Variants in CNTNAP2 observed in about 807,000 individuals in gnomAD.
The protein encoded by CNTNAP2 is contactin-associated protein-like 2.
A neutral mutation model predicts 155.2 loss-of-function variants in CNTNAP2; 98 were observed. The observed-to-expected ratio is 0.63, with a 90% confidence interval of 0.54 to 0.75. CNTNAP2 has a LOEUF of 0.75. Among genes scored for constraint, CNTNAP2 ranks in the 30% least tolerant of loss-of-function variants. The pLI, the probability that CNTNAP2 is intolerant of heterozygous loss-of-function variation, is 0.00. For missense variants in CNTNAP2, 1,727 were observed against 1,688.1 expected (o/e 1.02, Z -0.40); for synonymous variants, 651 against 631.2 (o/e 1.03, Z -0.47).
intron 1 of CNTNAP2, among the ~76,000 whole-genome samples, chr7:146,635,072 A>G (rs1275222510): frequency 6.6e-6 from 1 of 152,144 alleles, no homozygotes; most frequent in Admixed American, 6.5e-5. Context: ...ATTTAATCTC[A>G]CTCCACCAAG....
intron 1 of CNTNAP2, among the ~76,000 whole-genome samples, chr7:146,512,907 T>C (rs1457150275): frequency 1.3e-5 from 2 of 151,990 alleles, no homozygotes; most frequent in African/African-American, 4.8e-5. Flanking sequence ...TGTACTATTA[T>C]TTTATTGTGG....
intron 1 of CNTNAP2, among the ~76,000 whole-genome samples, chr7:146,647,231 T>C (rs1799829712): frequency 6.6e-6 from 1 of 152,158 alleles, no homozygotes; most frequent in South Asian, 2.1e-4. Flanking sequence ...GACAGCAACC[T>C]TTAGGGCTCC....
At chr7:148,261,457 C>T (rs964479582) in intron 20 of CNTNAP2, among the ~76,000 whole-genome samples, 6 of 152,220 alleles carry the variant, frequency 3.9e-5, no homozygotes, top group Non-Finnish European at 8.8e-5. Context: ...CCACGCCCAA[C>T]GCATCTGTTG....
intron 12 of CNTNAP2, among the ~76,000 whole-genome samples, chr7:147,618,115 G>T (rs572952684): frequency 1.3e-5 from 2 of 152,200 alleles, no homozygotes; most frequent in East Asian, 3.9e-4. Flanking sequence ...GAAATTTAAA[G>T]ATATAGAAAA....
intron 10 of CNTNAP2, among the ~76,000 whole-genome samples, chr7:147,438,160 T>C (rs1797582655): frequency 6.6e-6 from 1 of 152,068 alleles, no homozygotes. Context: ...TAAATAATAG[T>C]GGTGAAAATG....
chr7:146,669,489 C>T (rs2533081), intron 1 of CNTNAP2, among the ~76,000 whole-genome samples: 123,042 of 152,118 alleles, frequency 0.81, 50,373 homozygotes, highest in South Asian at 0.91. Flanking sequence ...TGTAACCAAT[C>T]TCATGCCAAA....
chr7:147,382,635 A>G (rs1322153061), intron 9 of CNTNAP2, among the ~76,000 whole-genome samples: 2 of 152,092 alleles, frequency 1.3e-5, no homozygotes, highest in Non-Finnish European at 2.9e-5. Flanking sequence ...AGACAGAGAT[A>G]TGATTAGAGA....
At chr7:148,092,397 C>T (rs750663770) in intron 15 of CNTNAP2, among the ~76,000 whole-genome samples, 3 of 152,094 alleles carry the variant, frequency 2.0e-5, no homozygotes, top group Non-Finnish European at 4.4e-5. Context: ...TCTAAAGCTT[C>T]CCTGAAAAAA....
intron 14 of CNTNAP2, among the ~76,000 whole-genome samples, chr7:147,908,123 C>G (rs1330677144): frequency 6.6e-6 from 1 of 152,142 alleles, no homozygotes; most frequent in Non-Finnish European, 1.5e-5. Flanking sequence ...TAAATGAAAA[C>G]AGAGCGTGGC....
intron 3 of CNTNAP2, among the ~76,000 whole-genome samples, chr7:146,845,911 C>T (rs927082178): frequency 6.6e-6 from 1 of 152,134 alleles, no homozygotes. Context: ...TAAGGGGACA[C>T]TGTTTAGAAA....
intron 9 of CNTNAP2, among the ~76,000 whole-genome samples, chr7:147,344,175 C>CT (rs1343962749): frequency 6.6e-6 from 1 of 152,122 alleles, no homozygotes; most frequent in Non-Finnish European, 1.5e-5. Flanking sequence ...AAAGAATGAG[C>CT]AGTTGCCAGT....
At chr7:147,819,068 C>G (rs1229645148) in intron 13 of CNTNAP2, among the ~76,000 whole-genome samples, 1 of 152,078 alleles carries the variant, frequency 6.6e-6, no homozygotes, top group Non-Finnish European at 1.5e-5. Flanking sequence ...GTAATTTAAG[C>G]TTGGGATAAA....
chr7:147,318,052 A>G (rs1023450475), intron 9 of CNTNAP2, among the ~76,000 whole-genome samples: 2 of 152,184 alleles, frequency 1.3e-5, no homozygotes, highest in East Asian at 3.8e-4. Context: ...AAAATTTTCT[A>G]CAGTAGCCAT....
intron 13 of CNTNAP2, among the ~76,000 whole-genome samples, chr7:147,723,731 G>T (rs565508888): frequency 6.6e-6 from 1 of 151,838 alleles, no homozygotes; most frequent in Non-Finnish European, 1.5e-5. Context: ...TTCAGTCTTC[G>T]CTACTCAGGA....
intron 22 of CNTNAP2, among the ~76,000 whole-genome samples, chr7:148,404,994 AC>A (rs1164401639): frequency 1.3e-5 from 2 of 151,916 alleles, no homozygotes; most frequent in Non-Finnish European, 2.9e-5. Flanking sequence ...TGGTTACAGG[AC>A]TGGGGGGCAT....
Position 147,426,823 on chromosome 7 carries a change from T to TTGGA in CNTNAP2, c.1670+31066_1670+31069dup, listed in dbSNP as rs751231663. Among the ~76,000 whole-genome samples the TTGGA allele has an allele frequency of 5.4e-3, 828 of 152,060 alleles. 11 individuals carry two copies. The highest frequency in any genetic ancestry group is 0.014 in the Admixed American group (220 of 15,262). On this transcript the variant is annotated intron_variant, in intron 10 of 23. Coordinates refer to ENST00000361727, the MANE Select transcript of CNTNAP2 (RefSeq NM_014141.6). Reference sequence around the variant, plus strand: ...TTTTTAGGGAATAAATTAGTTTTTGTTGGATGGATGGATGGATGGATGGAT... The same window carrying TTGGA: ...TTTTTAGGGAATAAATTAGTTTTTGTTGGATGGATGGATGGATGGATGGATGGAT...
intron 2 of CNTNAP2, among the ~76,000 whole-genome samples, chr7:146,802,853 A>C (rs1802904824): frequency 6.6e-6 from 1 of 152,184 alleles, no homozygotes; most frequent in East Asian, 1.9e-4. Flanking sequence ...TACTAGACTT[A>C]GACAAATAGT....
intron 1 of CNTNAP2, among the ~76,000 whole-genome samples, chr7:146,644,898 A>C (rs894354207): frequency 6.6e-6 from 1 of 152,144 alleles, no homozygotes; most frequent in Non-Finnish European, 1.5e-5. Context: ...ATTCTACCAG[A>C]GGTACAAGGA....
chr7:146,196,532 TAC>T (rs1798777861), intron 1 of CNTNAP2, among the ~76,000 whole-genome samples: 1 of 149,102 alleles, frequency 6.7e-6, no homozygotes, highest in South Asian at 2.1e-4. Context: ...AAAAATTATA[TAC>T]AGAGAGTCAG....
Sources: allele counts gnomAD v4.1 joint callset (sites outside exome capture counted in the v4.1 genomes callset), GRCh38; gene constraint gnomAD v4.1.1; transcripts MANE v1.5; gene names NCBI Gene and HGNC (gene_info 2026-07-23, HGNC 2026-07-21).